The following GRB14 variants were observed in gnomAD, a reference collection of about 807,000 sequenced individuals.
The protein encoded by GRB14 is growth factor receptor bound protein 14.
In GRB14, 38 loss-of-function variants were observed where a neutral mutation model predicts 69.1. The observed-to-expected ratio is 0.55, with a 90% CI of 0.42 to 0.72. GRB14 has a LOEUF of 0.72. Among genes scored for constraint, GRB14 ranks in the 30% least tolerant of loss-of-function variants. The probability of loss-of-function intolerance (pLI) is 0.00; values close to 1 mark genes in which losing one functional copy is unlikely to be tolerated. For missense variants in GRB14, 666 were observed against 666.1 expected, an observed-to-expected ratio of 1.00 and a Z score of 0.00; for synonymous variants, 247 against 241.3, an observed-to-expected ratio of 1.02 and a Z score of -0.22.
chr2:164,545,893 A>G (rs1480377333), intron 3 of GRB14, among the ~76,000 whole-genome samples: 1 of 152,188 alleles, frequency 6.6e-6, no homozygotes, highest in African/African-American at 2.4e-5. Context: ...ACACTTCACA[A>G]TAGAGATGCA....
At chr2:164,603,344 C>T (rs1240594221) in intron 2 of GRB14, among the ~76,000 whole-genome samples, 2 of 151,774 alleles carry the variant, frequency 1.3e-5, no homozygotes, top group Non-Finnish European at 2.9e-5. Flanking sequence ...TGTCAAAAAC[C>T]CAAGTGTGTA....
chr2:164,601,128 C>T (rs927508828), intron 2 of GRB14, among the ~76,000 whole-genome samples: 8 of 152,112 alleles, frequency 5.3e-5, no homozygotes, highest in Admixed American at 2.0e-4. Context: ...ATTTTAACAC[C>T]CCAGAGTACA....
chr2:164,501,096 TG>T (rs1418702266), intron 9 of GRB14, among the ~76,000 whole-genome samples: 2 of 152,074 alleles, frequency 1.3e-5, no homozygotes, highest in Non-Finnish European at 2.9e-5. Context: ...AAGAGTAAGC[TG>T]AAAAAATGTA....
chr2:164,619,581 G>C (rs1367314671), intron 2 of GRB14, 106 bp downstream of exon 2: 2 of 709,162 alleles, frequency 2.8e-6, no homozygotes. Flanking sequence ...ATTTAACAGA[G>C]CCCATGCTAA....
At chr2:164,540,188 G>A (rs973625402) in intron 3 of GRB14, among the ~76,000 whole-genome samples, 3 of 152,148 alleles carry the variant, frequency 2.0e-5, no homozygotes, top group Non-Finnish European at 1.5e-5. Flanking sequence ...CCACGTCCAG[G>A]CCTTTCCACT....
At chr2:164,525,676 A>T (rs1392513245) in intron 4 of GRB14, among the ~76,000 whole-genome samples, 1 of 152,186 alleles carries the variant, frequency 6.6e-6, no homozygotes, top group East Asian at 1.9e-4. Flanking sequence ...CTATGTTTTT[A>T]ATAAGCACTC....
At position 164,547,793 on chromosome 2, in the gene GRB14, A is replaced by C; in HGVS notation, c.348T>G (p.Asp116Glu). The C allele has an allele frequency of 6.2e-7, 1 of 1,613,370 alleles. No individual in the cohort carries two copies. The highest frequency in any genetic ancestry group is 8.5e-7 in the Non-Finnish European group (1 of 1,179,502). ...KKQVIKVYSEDETSRALDVPS... is the reference protein window; with the variant it reads ...KKQVIKVYSEEETSRALDVPS... ...GTACATCTAAAGCCCTGCTGGTTTC[A>C]TCTTCACTGTATACTTTAATCACCT... Residue 116 changes from aspartate to glutamate, a missense_variant, in exon 3 of 14, where the codon GAT becomes GAG. By Grantham distance (45) the Asp-to-Glu change is conservative. Coordinates refer to ENST00000263915, the MANE Select transcript of GRB14 (RefSeq NM_004490.3).
In GRB14 at chr2:164,589,432, A is replaced by G. The variant is rs552820207; in HGVS notation, c.324+30255T>C. Among the ~76,000 whole-genome samples the G allele has an allele frequency of 1.8e-4, 27 of 152,238 alleles. No homozygotes were observed. In the South Asian group the frequency reaches 4.4e-3, roughly 25 times the overall value. On this transcript the variant is annotated intron_variant, in intron 2 of 13. Transcript: ENST00000263915. ...GGAAAAATGGTTTATTTGACTCACA[A>G]TTCTGCTGGCTGGAAGATTAGGCAT...
intron 2 of GRB14, among the ~76,000 whole-genome samples, chr2:164,551,410 T>C (rs1415579429): frequency 1.3e-5 from 2 of 152,112 alleles, no homozygotes; most frequent in African/African-American, 2.4e-5. Flanking sequence ...CATAATGCAA[T>C]AGACTGAATG....
intron 2 of GRB14, among the ~76,000 whole-genome samples, chr2:164,579,245 G>A (rs574537764): frequency 6.6e-6 from 1 of 152,182 alleles, no homozygotes; most frequent in South Asian, 2.1e-4. Flanking sequence ...AGGTCCTATG[G>A]CACATTTCTG....
chr2:164,583,958 C>A (rs1310883755), intron 2 of GRB14, among the ~76,000 whole-genome samples: 1 of 151,428 alleles, frequency 6.6e-6, no homozygotes, highest in Non-Finnish European at 1.5e-5. Flanking sequence ...ATAATAAAAT[C>A]CTATATTATT....
At chr2:164,566,049 A>G (rs1175732400) in intron 2 of GRB14, among the ~76,000 whole-genome samples, 1 of 152,168 alleles carries the variant, frequency 6.6e-6, no homozygotes, top group East Asian at 1.9e-4. Flanking sequence ...TTATTTGTCA[A>G]GGGCCACTCA....
chr2:164,536,146 T>C (rs1257946049), intron 3 of GRB14, among the ~76,000 whole-genome samples: 1 of 152,232 alleles, frequency 6.6e-6, no homozygotes, highest in Non-Finnish European at 1.5e-5. Flanking sequence ...ATCCATCCTT[T>C]TAATTTTTTG....
intron 12 of GRB14, 94 bp from the exon 13 acceptor site, chr2:164,494,618 T>A (rs367885396): frequency 7.7e-6 from 6 of 778,770 alleles, no homozygotes; most frequent in East Asian, 4.9e-5. Flanking sequence ...TATGCATAAA[T>A]GTAGCTGGGG....
At chr2:164,597,479 T>C (rs186728173) in intron 2 of GRB14, among the ~76,000 whole-genome samples, 108 of 152,334 alleles carry the variant, frequency 7.1e-4, no homozygotes, top group African/African-American at 2.6e-3. Flanking sequence ...CAATTTGTCT[T>C]ATTTATACAA....
chr2:164,527,997 TACA>T (rs1292961327), intron 3 of GRB14, among the ~76,000 whole-genome samples: 4 of 152,020 alleles, frequency 2.6e-5, no homozygotes, highest in African/African-American at 2.4e-5. Context: ...GAAAATATAC[TACA>T]ACAACCCACA....
chr2:164,616,738 G>A (rs1227484458), intron 2 of GRB14, among the ~76,000 whole-genome samples: 2 of 152,122 alleles, frequency 1.3e-5, no homozygotes, highest in African/African-American at 4.8e-5. Context: ...TAAATAACAA[G>A]TACAATTATT....
intron 2 of GRB14, among the ~76,000 whole-genome samples, chr2:164,608,355 A>T (rs1690087938): frequency 1.3e-5 from 2 of 152,170 alleles, no homozygotes; most frequent in South Asian, 4.1e-4. Flanking sequence ...TGGGCAAAAG[A>T]GCGAGACTCC....
At chr2:164,564,972 G>T (rs1159672458) in intron 2 of GRB14, among the ~76,000 whole-genome samples, 1 of 152,040 alleles carries the variant, frequency 6.6e-6, no homozygotes, top group African/African-American at 2.4e-5. Context: ...CCAAGATGGC[G>T]CCACTGCACT....
Sources: gnomAD v4.1 joint callset for allele counts (sites outside exome capture counted in the v4.1 genomes callset) on GRCh38, gnomAD v4.1.1 for gene constraint, MANE v1.5 for transcripts, NCBI Gene and HGNC (gene_info 2026-07-23, HGNC 2026-07-21) for gene names.